LCMT1: variants seen among roughly 807,000 people sequenced by gnomAD.
The protein encoded by LCMT1 is [Phosphatase 2A protein]-leucine-carboxy methyltransferase 1.
A neutral mutation model predicts 47.7 loss-of-function variants in LCMT1; 32 were observed. The observed-to-expected ratio is 0.67, with a 90% confidence interval of 0.51 to 0.90. The LOEUF is 0.90. Among genes scored for constraint, LCMT1 ranks in the 40% least tolerant of loss-of-function variants. The probability of loss-of-function intolerance (pLI) is 0.00; values close to 1 mark genes in which losing one functional copy is unlikely to be tolerated. For synonymous variants in LCMT1, 152 were observed against 149.7 expected (o/e 1.02, Z -0.11); for missense variants, 375 against 415.2 (o/e 0.90, Z 0.84).
At chr16:25,168,785 T>A (rs1288367609) in intron 7 of LCMT1, among the ~76,000 whole-genome samples, 3 of 152,254 alleles carry the variant, frequency 2.0e-5, no homozygotes, top group African/African-American at 4.8e-5. Context: ...AGATTCTTCC[T>A]ATTATACCTA....
intron 9 of LCMT1, among the ~76,000 whole-genome samples, chr16:25,171,062 C>G (rs1303404508): frequency 6.6e-6 from 1 of 152,042 alleles, no homozygotes; most frequent in African/African-American, 2.4e-5. Context: ...ATGGTGAAAC[C>G]TTGTCTCTAC....
intron 2 of LCMT1, among the ~76,000 whole-genome samples, chr16:25,130,175 C>A (rs1029580788): frequency 6.6e-6 from 1 of 151,620 alleles, no homozygotes; most frequent in African/African-American, 2.4e-5. Flanking sequence ...CCCGTCTCTA[C>A]TAAAAATACA....
At chr16:25,150,387 C>T (rs1961043003) in intron 4 of LCMT1, among the ~76,000 whole-genome samples, 1 of 132,896 alleles carries the variant, frequency 7.5e-6, no homozygotes, top group Non-Finnish European at 1.5e-5. Context: ...TCTTGTTGCC[C>T]AGGCTGGAGT....
rs12373063 is a variant in LCMT1 at position 25,114,917 on chromosome 16, A to G, written c.113+2921A>G. On this transcript the variant is annotated intron_variant, in intron 1 of 10. Coordinates refer to ENST00000399069, the MANE Select transcript of LCMT1 (RefSeq NM_016309.3). ...GCTCTCCTGATCATTCACCTCATTCATGGAAGACTGGGGTGCCTGGCCCAG... is the reference window on the plus strand; with the variant it reads ...GCTCTCCTGATCATTCACCTCATTCGTGGAAGACTGGGGTGCCTGGCCCAG... 7.3e-4 allele frequency among the ~76,000 whole-genome samples: 111 copies of G among 152,120 alleles called. 1 individual carries two copies. The highest frequency in any genetic ancestry group is 2.1e-3 in the South Asian group (10 of 4,824).
At chr16:25,137,326 A>AGCCTGGGTCC (rs1960531938) in intron 3 of LCMT1, among the ~76,000 whole-genome samples, 1 of 152,006 alleles carries the variant, frequency 6.6e-6, no homozygotes, top group African/African-American at 2.4e-5. Flanking sequence ...GAGCCACTGC[A>AGCCTGGGTCC]CCTGGCCCCC....
intron 5 of LCMT1, among the ~76,000 whole-genome samples, chr16:25,154,112 C>T (rs150584049): frequency 1.3e-4 from 19 of 152,000 alleles, no homozygotes; most frequent in African/African-American, 4.6e-4. Flanking sequence ...TGGGTTCAAG[C>T]GATTCTCCTG....
Position 25,169,227 on chromosome 16 carries a change from G to A in LCMT1, c.792+14G>A, listed in dbSNP as rs1236622532. ...TTAGAGTCACAGGTCAGAGAGCAGG[G>A]ACTGGGATATCCATTTGGACCCTTA... On this transcript the variant is annotated intron_variant, in intron 8 of 10. Transcript: ENST00000399069. 6.5e-7 allele frequency: 1 copy of A among 1,541,146 alleles called. No individual in the cohort carries two copies. Among genetic ancestry groups the A allele is most frequent in the East Asian group, 2.2e-5 (1 of 44,526 alleles).
intron 3 of LCMT1, among the ~76,000 whole-genome samples, chr16:25,133,433 C>T (rs1186132313): frequency 9.6e-6 from 1 of 104,014 alleles, no homozygotes; most frequent in South Asian, 3.4e-4. Flanking sequence ...TCTTGCTCCT[C>T]TGTTGCCCAG....
At position 25,133,194 on chromosome 16, in the gene LCMT1, G is replaced by T. The variant is rs536668490; in HGVS notation, c.327+671G>T. ...TAATTTTGACAGTAACTAAGATTTT[G>T]TCAGGATAATGGCTTCTTGGGTAAA... On this transcript the variant is annotated intron_variant, in intron 3 of 10. Coordinates refer to ENST00000399069, the MANE Select transcript of LCMT1 (RefSeq NM_016309.3). Among the ~76,000 whole-genome samples, 8 of 152,148 alleles carry T rather than the reference G, an allele frequency of 5.3e-5. No individual in the cohort carries two copies. In the East Asian group the frequency reaches 1.4e-3, roughly 26 times the overall value.
In LCMT1 at chr16:25,155,226, A is replaced by G. The variant is rs983672245; in HGVS notation, c.466+3611A>G. ...TTTTAAGCTAAAGTCTGCCTAGGGTAAAAAATCAAAAGTGTACAAATGGGC... is the reference window on the plus strand; with the variant it reads ...TTTTAAGCTAAAGTCTGCCTAGGGTGAAAAATCAAAAGTGTACAAATGGGC... On this transcript the variant is annotated intron_variant, in intron 5 of 10. Coordinates refer to ENST00000399069, the MANE Select transcript of LCMT1 (RefSeq NM_016309.3). 2.6e-5 allele frequency among the ~76,000 whole-genome samples: 4 copies of G among 152,150 alleles called. No individual in the cohort carries two copies. The East Asian group carries it at 7.7e-4, about 29-fold the overall frequency.
chr16:25,137,623 TG>T (rs1214855617), intron 3 of LCMT1, among the ~76,000 whole-genome samples: 2 of 151,898 alleles, frequency 1.3e-5, no homozygotes, highest in Non-Finnish European at 2.9e-5. Context: ...TTTGTATTTT[TG>T]GTAGAGATAG....
chr16:25,174,482 G>A (rs921284064), intron 9 of LCMT1, among the ~76,000 whole-genome samples: 2 of 151,860 alleles, frequency 1.3e-5, no homozygotes, highest in Admixed American at 6.6e-5. Context: ...TTTAAATTAC[G>A]CAACTTGCTT....
intron 10 of LCMT1, among the ~76,000 whole-genome samples, chr16:25,176,368 T>G (rs756430113): frequency 1.3e-5 from 2 of 151,992 alleles, no homozygotes; most frequent in Non-Finnish European, 2.9e-5. Flanking sequence ...GGGCAGCTGA[T>G]CCGAAACAGA....
chr16:25,133,849 C>T (rs1960424918), intron 3 of LCMT1, among the ~76,000 whole-genome samples: 1 of 151,312 alleles, frequency 6.6e-6, no homozygotes, highest in African/African-American at 2.4e-5. Context: ...GCCTGGCCAA[C>T]ATGGTGAAAC....
chr16:25,150,178 A>G (rs140019049), intron 4 of LCMT1, among the ~76,000 whole-genome samples: 40 of 152,174 alleles, frequency 2.6e-4, no homozygotes, highest in African/African-American at 8.2e-4. Context: ...CAGCACACTC[A>G]TGAATTAAGT....
chr16:25,115,046 A>G (rs1443601276), intron 1 of LCMT1, among the ~76,000 whole-genome samples: 2 of 151,998 alleles, frequency 1.3e-5, no homozygotes, highest in Non-Finnish European at 2.9e-5. Flanking sequence ...GTCTGCAGTG[A>G]TCACCTCTTC....
Position 25,140,181 on chromosome 16 carries a change from T to G in LCMT1, c.338T>G (p.Leu113Arg). 6.2e-7 allele frequency: 1 copy of G among 1,607,566 alleles called. No homozygotes were observed. Reference protein sequence around the residue: ...TTFWRLKDEDLLPSKYFEVDF... With the variant: ...TTFWRLKDEDRLPSKYFEVDF... ...TGTGTTTTTCCCCAGGATGAAGATC[T>G]TCTCCCAAGTAAATATTTTGAGGTT... Residue 113 changes from leucine (L) to arginine (R), a missense_variant, in exon 4 of 11, where the codon CTT (leucine) becomes CGT (arginine). Physicochemically the swap from Leu to Arg is moderately radical, Grantham distance 102 (BLOSUM62 -2). Coordinates refer to ENST00000399069, the MANE Select transcript of LCMT1 (RefSeq NM_016309.3).
intron 1 of LCMT1, among the ~76,000 whole-genome samples, chr16:25,122,270 CTGAT>C (rs1220077353): frequency 6.8e-6 from 1 of 146,538 alleles, no homozygotes; most frequent in Non-Finnish European, 1.5e-5. Context: ...CTCATTGTCA[CTGAT>C]ATTTCTTATG....
Position 25,164,586 on chromosome 16 carries a change from CTTATCT to C in LCMT1, c.570-8_570-3del, listed in dbSNP as rs1567326773. 4.3e-6 allele frequency: 7 copies of C among 1,612,156 alleles called. No individual in the cohort carries two copies. The highest frequency in any genetic ancestry group is 5.1e-6 in the Non-Finnish European group (6 of 1,179,402). The stretch of plus-strand genomic sequence containing the variant: ...TAACAAATTTATGTGCCTTTTTTTC[CTTATCT>C]TTAAGATTGCCAACACTCCTGATAG... On this transcript the variant is annotated splice_polypyrimidine_tract_variant and splice_region_variant and intron_variant, in intron 6 of 10. Coordinates refer to ENST00000399069, the MANE Select transcript of LCMT1 (RefSeq NM_016309.3).
Sources: gnomAD v4.1 joint callset for allele counts (sites outside exome capture counted in the v4.1 genomes callset) on GRCh38, gnomAD v4.1.1 for gene constraint, MANE v1.5 for transcripts, NCBI Gene and HGNC (gene_info 2026-07-23, HGNC 2026-07-21) for gene names.